The following CFAP47 variants were observed in gnomAD, a reference collection of about 807,000 sequenced individuals.
CFAP47 encodes the protein cilia- and flagella-associated protein 47.
In CFAP47, 29 loss-of-function variants were observed where a neutral mutation model predicts 148.1. The observed-to-expected ratio is 0.20, with a 90% CI of 0.15 to 0.27. The LOEUF (loss-of-function observed/expected upper bound fraction) is 0.27, where lower values mean the gene tolerates loss of function less well. Ranked by LOEUF, CFAP47 falls within the 10% of genes least tolerant of loss-of-function variation. The probability of loss-of-function intolerance (pLI) is 1.00; values close to 1 mark genes in which losing one functional copy is unlikely to be tolerated. For missense variants in CFAP47, 1,872 were observed against 1,697.5 expected, an observed-to-expected ratio of 1.10 and a Z score of -1.81; for synonymous variants, 664 against 577.3, an observed-to-expected ratio of 1.15 and a Z score of -2.15.
At chrX:36,058,899 T>C (rs1937573806) in intron 26 of CFAP47, among the ~76,000 whole-genome samples, 1 of 112,305 alleles carries the variant, frequency 8.9e-6, no homozygotes, top group African/African-American at 3.2e-5. Context: ...CTTGCTTAAA[T>C]GTTAATAGCT....
rs755703355 is a variant in CFAP47 at position 35,923,892 on chromosome X, T to C, written c.250-2125T>C. 7.9e-5 allele frequency among the ~76,000 whole-genome samples: 7 copies of C among 88,457 alleles called. No individual in the cohort carries two copies. The South Asian group carries it at 2.7e-3, about 34-fold the overall frequency. 76.8% of individuals were successfully genotyped at this position (88,457 alleles called of 115,157 possible). A position where few individuals can be genotyped will look rare whatever the true frequency, so the allele number is the denominator to read the frequency against. ...ATATATGTATATATGTACATATATA[T>C]GTGTATATATGTACATGTGTATATA... is the stretch of plus-strand genomic sequence containing the variant. On this transcript the variant is annotated intron_variant, in intron 1 of 63. Coordinates refer to ENST00000378653, the MANE Select transcript of CFAP47 (RefSeq NM_001304548.2).
At chrX:36,284,697 GCTT>G (rs1293318319) in intron 50 of CFAP47, among the ~76,000 whole-genome samples, 6 of 111,620 alleles carry the variant, frequency 5.4e-5, no homozygotes, top group African/African-American at 9.8e-5. Flanking sequence ...ACTAGTTTGT[GCTT>G]CTTATTTCAT....
At chrX:35,943,760 T>A (rs1013538201) in intron 3 of CFAP47, among the ~76,000 whole-genome samples, 2 of 111,979 alleles carry the variant, frequency 1.8e-5, no homozygotes, top group Admixed American at 9.5e-5. Context: ...TAATTTAGCA[T>A]GCCTTGAATT....
chrX:36,033,619 A>T (rs1287973181), intron 23 of CFAP47, among the ~76,000 whole-genome samples: 1 of 111,370 alleles, frequency 9.0e-6, no homozygotes. Context: ...TATAGTTAGG[A>T]TATACCAATA....
intron 60 of CFAP47, among the ~76,000 whole-genome samples, chrX:36,356,228 T>C (rs1427223399): frequency 9.0e-6 from 1 of 111,306 alleles, no homozygotes; most frequent in East Asian, 2.8e-4. Flanking sequence ...GTCGGGAAGG[T>C]TTGCAGTCTC....
intron 49 of CFAP47, among the ~76,000 whole-genome samples, chrX:36,265,286 A>T (rs782092919): frequency 5.3e-3 from 596 of 112,252 alleles, no homozygotes; most frequent in African/African-American, 0.018. Flanking sequence ...GAAGTCATTT[A>T]TCAGTTCTGG....
intron 57 of CFAP47, among the ~76,000 whole-genome samples, chrX:36,325,260 A>G (rs1941508838): frequency 9.0e-6 from 1 of 111,641 alleles, no homozygotes; most frequent in Non-Finnish European, 1.9e-5. Flanking sequence ...TAATTGATTT[A>G]GTCCTTACAA....
At chrX:36,248,882 A>G (rs1431332302) in intron 48 of CFAP47, among the ~76,000 whole-genome samples, 3 of 110,909 alleles carry the variant, frequency 2.7e-5, no homozygotes, top group Non-Finnish European at 5.7e-5. Flanking sequence ...ATGGAAATAA[A>G]TTTGGGAAAT....
chrX:36,365,603 A>G (rs148697728), intron 61 of CFAP47: 10 of 110,447 alleles, frequency 9.1e-5, no homozygotes, highest in Non-Finnish European at 1.5e-4. Context: ...AGTACCCAAT[A>G]GTTATTTTTT....
intron 33 of CFAP47, among the ~76,000 whole-genome samples, chrX:36,134,404 G>A (rs1488307187): frequency 9.0e-6 from 1 of 111,328 alleles, no homozygotes; most frequent in Non-Finnish European, 1.9e-5. Context: ...AATTAAGACT[G>A]GGTGGTATTG....
intron 1 of CFAP47, among the ~76,000 whole-genome samples, chrX:35,923,944 CATGTGTATATATGTACATATAT>C (rs1569200814): frequency 3.4e-5 from 2 of 59,464 alleles, no homozygotes; most frequent in African/African-American, 3.1e-4. Flanking sequence ...TATATATGTA[CATGTGTATATATGTACATATAT>C]GTGTATGTAT....
chrX:36,114,124 A>G (rs1257149330), intron 33 of CFAP47, among the ~76,000 whole-genome samples: 2 of 111,419 alleles, frequency 1.8e-5, no homozygotes, highest in South Asian at 7.5e-4. Flanking sequence ...GATTTTCTTT[A>G]TAGCATTGTC....
chrX:36,056,084 A>T (rs1937552546), intron 26 of CFAP47, among the ~76,000 whole-genome samples: 2 of 110,790 alleles, frequency 1.8e-5, no homozygotes, highest in Non-Finnish European at 3.8e-5. Flanking sequence ...CAGACTGCAA[A>T]ATTTTTTCTG....
intron 45 of CFAP47, among the ~76,000 whole-genome samples, chrX:36,220,499 C>CCAAA (rs1190428016): frequency 9.1e-6 from 1 of 109,622 alleles, no homozygotes; most frequent in Non-Finnish European, 1.9e-5. Flanking sequence ...GCGTGAAAAA[C>CCAAA]CAAACAAACA....
rs150231261 is a variant in CFAP47 at position 35,990,726 on chromosome X, T to A, written c.2845-1095T>A. 5.3e-3 allele frequency among the ~76,000 whole-genome samples: 594 copies of A among 111,474 alleles called. 6 individuals are homozygous for A. Among genetic ancestry groups the A allele is most frequent in the African/African-American group, 0.018 (568 of 30,739 alleles). ...TTCAGTGATTAATCTACACAATTCT[T>A]AGTCATGGGTCTACTTTCTTAATAG... On this transcript the variant is annotated intron_variant, in intron 16 of 63. Coordinates refer to ENST00000378653, the MANE Select transcript of CFAP47 (RefSeq NM_001304548.2).
intron 51 of CFAP47, among the ~76,000 whole-genome samples, chrX:36,298,237 C>T (rs782323179): frequency 2.9e-5 from 3 of 104,366 alleles, no homozygotes; most frequent in African/African-American, 7.0e-5. Flanking sequence ...CCATAAAAAA[C>T]GATGAGTTCA....
intron 8 of CFAP47, among the ~76,000 whole-genome samples, chrX:35,961,132 A>G (rs1936324621): frequency 9.0e-6 from 1 of 111,590 alleles, no homozygotes; most frequent in Non-Finnish European, 1.9e-5. Flanking sequence ...CCTTTATTCT[A>G]TTAAGAGTGT....
intron 42 of CFAP47, among the ~76,000 whole-genome samples, chrX:36,195,625 T>C (rs927561643): frequency 3.6e-5 from 4 of 111,388 alleles, no homozygotes; most frequent in Non-Finnish European, 7.6e-5. Flanking sequence ...AGGAGACTTT[T>C]GTATTGTGTT....
chrX:36,286,374 T>C (rs1941132939), intron 51 of CFAP47, among the ~76,000 whole-genome samples: 1 of 110,086 alleles, frequency 9.1e-6, no homozygotes. Flanking sequence ...GATAGATTTC[T>C]TTATAGAATT....
Sources: allele counts gnomAD v4.1 joint callset (sites outside exome capture counted in the v4.1 genomes callset), GRCh38; gene constraint gnomAD v4.1.1; transcripts MANE v1.5; gene names NCBI Gene and HGNC (gene_info 2026-07-23, HGNC 2026-07-21).